POU6F1: variants seen among roughly 807,000 people sequenced by gnomAD.
POU6F1 encodes POU domain, class 6, transcription factor 1.
In POU6F1, 9 loss-of-function variants were observed where a neutral mutation model predicts 28.9. The observed-to-expected ratio is 0.31, with a 90% confidence interval of 0.19 to 0.54. The LOEUF (loss-of-function observed/expected upper bound fraction) is 0.54, where lower values mean the gene tolerates loss of function less well. POU6F1 is among the 20% of genes least tolerant of loss of function. POU6F1 has a pLI of 0.94. For missense variants in POU6F1, 338 were observed against 426.1 expected (o/e 0.79, Z 1.82); for synonymous variants, 173 against 171.1 (o/e 1.01, Z -0.09).
chr12:51,216,775 C>T (rs968982023), intron 1 of POU6F1, among the ~76,000 whole-genome samples: 7 of 152,204 alleles, frequency 4.6e-5, no homozygotes, highest in Non-Finnish European at 8.8e-5. Context: ...TTAAAAATCT[C>T]TGCAAAGAGC....
chr12:51,193,895 C>T (rs900434205), intron 8 of POU6F1, among the ~76,000 whole-genome samples: 1 of 152,192 alleles, frequency 6.6e-6, no homozygotes, highest in Admixed American at 6.5e-5. Context: ...TTCCTGGATT[C>T]TACCCCTGGT....
rs770920189 is a variant in POU6F1, at chr12:51,190,496, G to A, written c.1587C>T (p.Gly529=). Residue 529 remains glycine, a synonymous_variant, in exon 11 of 11, where the codon GGC becomes GGT. Transcript: ENST00000333640. This position sits in a 1 kb window ranked among gnomAD's most constrained non-coding sequence, Gnocchi z 4.5. ...CCACAAACTCCATCAGGTTCTGCTG[G>A]CCTTCCTGGTTCCGCAGTTCAGCTT... is the stretch of plus-strand genomic sequence containing the variant. The part of the protein sequence containing the change: ...LNEAELRNQE[G]QQNLMEFVGG... The A allele has an allele frequency of 8.7e-6, 14 of 1,614,046 alleles. No homozygotes were observed. The Admixed American group carries it at 2.3e-4, about 27-fold the overall frequency.
At position 51,206,837 on chromosome 12, in the gene POU6F1, G is replaced by T; in HGVS notation, c.-1C>A. 2.5e-6 allele frequency: 1 copy of T among 398,712 alleles called. No individual in the cohort carries two copies. The highest frequency in any genetic ancestry group is 4.4e-6 in the Non-Finnish European group (1 of 226,054). 24.7% of individuals were successfully genotyped at this position (398,712 alleles called of 1,614,324 possible). A position where few individuals can be genotyped will look rare whatever the true frequency, so the allele number is the denominator to read the frequency against. ...TCTCTGACCCGGCTCCAGGATCCAT[G>T]GTCACTTGTCAGGGTCGGGTGGGGG... On this transcript the variant is annotated 5_prime_UTR_variant, in exon 2 of 11. Transcript: ENST00000333640.
intron 7 of POU6F1, 76 bp from the exon 8 acceptor site, chr12:51,196,249 AC>A: frequency 8.2e-7 from 1 of 1,214,750 alleles, no homozygotes; most frequent in Non-Finnish European, 1.1e-6. Flanking sequence ...TCCCCACACC[AC>A]CAGGGGAACA....
At chr12:51,215,950 A>G (rs1347022325) in intron 1 of POU6F1, among the ~76,000 whole-genome samples, 1 of 152,248 alleles carries the variant, frequency 6.6e-6, no homozygotes, top group African/African-American at 2.4e-5. Context: ...TATGTTTGTT[A>G]TTATCATTGC....
Position 51,197,973 on chromosome 12 carries a change from G to T in POU6F1, c.643C>A (p.Pro215Thr). 1 of 400,492 alleles carries T rather than the reference G, an allele frequency of 2.5e-6. No individual in the cohort carries two copies. The highest frequency in any genetic ancestry group is 4.4e-6 in the Non-Finnish European group (1 of 227,170). The allele number at this position is 400,492 out of a possible 1,614,324, so 24.8% of individuals were successfully genotyped here. The change falls in exon 6 of 11, where the codon CCA becomes ACA. Residue 215 changes from proline (P) to threonine (T), a missense_variant. Pro to Thr is a conservative substitution (Grantham distance 38). Coordinates refer to ENST00000333640, the MANE Select transcript of POU6F1 (RefSeq NM_001330422.2). The part of the protein sequence containing the change: ...ALPAPVQAAA[P>T]VQASSTAQPR... ...TGGGCCGTCGAGGAGGCCTGTACTG[G>T]TGCGGCAGCTTGTACCGGTGCCGGA...
intron 1 of POU6F1, among the ~76,000 whole-genome samples, chr12:51,214,295 A>G (rs1185520109): frequency 1.3e-5 from 2 of 152,266 alleles, no homozygotes; most frequent in African/African-American, 2.4e-5. Context: ...ATTTTTATCT[A>G]TATGTACATA....
Position 51,217,408 on chromosome 12 carries a change from C to A in POU6F1, c.-48+234G>T, listed in dbSNP as rs941936766. Reference sequence around the variant, plus strand: ...GGCCCGCGGGCGGGCGAGGGCGCGGCCCCCGGGTGTCTAGCCCCAGCTGGG... The same window carrying A: ...GGCCCGCGGGCGGGCGAGGGCGCGGACCCCGGGTGTCTAGCCCCAGCTGGG... On this transcript the variant is annotated intron_variant, in intron 1 of 10. Coordinates refer to ENST00000333640, the MANE Select transcript of POU6F1 (RefSeq NM_001330422.2). This position sits in a 1 kb window ranked among gnomAD's most constrained non-coding sequence, Gnocchi z 5.3. Among the ~76,000 whole-genome samples, 3 of 152,112 alleles carry A rather than the reference C, an allele frequency of 2.0e-5. No individual in the cohort carries two copies. The East Asian group carries it at 5.8e-4, about 29-fold the overall frequency.
At chr12:51,215,479 C>T (rs1056007594) in intron 1 of POU6F1, among the ~76,000 whole-genome samples, 2 of 141,048 alleles carry the variant, frequency 1.4e-5, no homozygotes, top group African/African-American at 2.7e-5. Context: ...TGCTTGAACC[C>T]GGGAGGTGGA....
At chr12:51,200,823 G>A (rs1943159348) in intron 3 of POU6F1, among the ~76,000 whole-genome samples, 1 of 152,126 alleles carries the variant, frequency 6.6e-6, no homozygotes, top group South Asian at 2.1e-4. Context: ...AAGCAGTTGA[G>A]ATTACAGGCG....
chr12:51,192,632 T>C (rs1565602389), intron 8 of POU6F1, among the ~76,000 whole-genome samples, 161 bp from the exon 9 acceptor site: 1 of 152,176 alleles, frequency 6.6e-6, no homozygotes, highest in Non-Finnish European at 1.5e-5. Context: ...AGGCAGGGCA[T>C]GGTGGCTGAT....
Position 51,190,392 on chromosome 12 carries a change from T to C in POU6F1, c.1691A>G (p.Glu564Gly). 6.2e-7 allele frequency: 1 copy of C among 1,614,120 alleles called. No individual in the cohort carries two copies. Among genetic ancestry groups the C allele is most frequent in the South Asian group, 1.1e-5 (1 of 91,072 alleles). ...CTGGCCTGTGGGCAGTGGGTTCTTC[T>C]CAAAATAGGCATTGAGAGCCTCTAT... ...QAIEALNAYF[E>G]KNPLPTGQEI... is the part of the protein sequence containing the mutation. Residue 564 changes from glutamate (E) to glycine (G), a missense_variant, in exon 11 of 11, where the codon GAG (glutamate) becomes GGG (glycine). Glu to Gly is a moderately conservative substitution (Grantham distance 98). Around this residue, in one of 3 missense-constraint regions of POU6F1, gnomAD observed 126 missense variants for 176.5 expected, o/e 0.71. Coordinates refer to ENST00000333640, the MANE Select transcript of POU6F1 (RefSeq NM_001330422.2). The surrounding 1 kb of genome is among the most constrained non-coding windows in gnomAD (Gnocchi z 4.5).
intron 1 of POU6F1, among the ~76,000 whole-genome samples, chr12:51,210,210 T>A (rs1285678351): frequency 6.6e-6 from 1 of 152,192 alleles, no homozygotes; most frequent in East Asian, 1.9e-4. Flanking sequence ...CATGGTAGTC[T>A]TCCATGAGTT....
At chr12:51,197,307 G>A (rs1386162308) in intron 6 of POU6F1, among the ~76,000 whole-genome samples, 1 of 152,132 alleles carries the variant, frequency 6.6e-6, no homozygotes, top group Non-Finnish European at 1.5e-5. Flanking sequence ...CCACAGTCAT[G>A]GAAAAGTAAC....
intron 2 of POU6F1, among the ~76,000 whole-genome samples, chr12:51,204,926 G>A (rs534062642): frequency 2.0e-4 from 30 of 152,050 alleles, no homozygotes; most frequent in African/African-American, 7.2e-4. Flanking sequence ...CGAAAACTCT[G>A]GAGTAAAGGC....
intron 1 of POU6F1, among the ~76,000 whole-genome samples, chr12:51,212,226 T>G (rs956808171): frequency 6.6e-6 from 1 of 151,994 alleles, no homozygotes; most frequent in African/African-American, 2.4e-5. Flanking sequence ...CCTGAGTAGC[T>G]GGGACTACAG....
At chr12:51,194,337 A>AT (rs1010209441) in intron 8 of POU6F1, among the ~76,000 whole-genome samples, 47 of 152,140 alleles carry the variant, frequency 3.1e-4, no homozygotes, top group African/African-American at 1.1e-3. Context: ...TATAACAGGG[A>AT]TTTTTAAAAA....
rs1393487137 is a variant in POU6F1, at chr12:51,189,185, G to A, written c.*1062C>T. 6.6e-6 allele frequency: 1 copy of A among 152,130 alleles called. No homozygotes were observed. Among genetic ancestry groups the A allele is most frequent in the Non-Finnish European group, 1.5e-5 (1 of 68,032 alleles). The allele number at this position is 152,130 out of a possible 1,614,324, so 9.4% of individuals were successfully genotyped here. On this transcript the variant is annotated 3_prime_UTR_variant, in exon 11 of 11. Transcript: ENST00000333640. ...GTCAACTTCCACAAGAGACCTTCCT[G>A]GGCTCCATCATTTATTTCAGGATGT...
In POU6F1 at chr12:51,196,085, G is replaced by T. The variant is rs761137767; in HGVS notation, c.1064C>A (p.Pro355His). The T allele has an allele frequency of 2.5e-6, 4 of 1,606,080 alleles. No individual in the cohort carries two copies. In the East Asian group the frequency reaches 6.7e-5, roughly 27 times the overall value. The part of the protein sequence containing the change: ...AQSLQVQAVT[P>H]QLLLNAQGQV... Reference sequence around the variant, plus strand: ...GCCCTGGGCGTTCAACAACAGCTGGGGGGTCACGGCCTGGACCTGCAGGCT... The same window carrying T: ...GCCCTGGGCGTTCAACAACAGCTGGTGGGTCACGGCCTGGACCTGCAGGCT... The change falls in exon 8 of 11, where the codon CCC (proline) becomes CAC (histidine). Residue 355 changes from proline (P) to histidine (H), a missense_variant. Coordinates refer to ENST00000333640, the MANE Select transcript of POU6F1 (RefSeq NM_001330422.2).
Sources: gnomAD v4.1 joint callset for allele counts (sites outside exome capture counted in the v4.1 genomes callset) on GRCh38, gnomAD v4.1.1 for gene constraint, gnomAD v4.1.1 regional missense constraint, Gnocchi (gnomAD v3.1) non-coding constraint, MANE v1.5 for transcripts, NCBI Gene and HGNC (gene_info 2026-07-23, HGNC 2026-07-21) for gene names.